The following IQCJ variants were observed in gnomAD, a reference collection of about 807,000 sequenced individuals.
IQCJ encodes IQ motif containing J.
IQCJ carries 9 observed loss-of-function variants against 11.0 expected under a neutral mutation model. The observed-to-expected ratio is 0.82, with a 90% confidence interval of 0.49 to 1.43. IQCJ has a LOEUF of 1.43. Ranked by LOEUF, IQCJ falls within the 40% of genes most tolerant of loss-of-function variation. The pLI is 0.00. For synonymous variants in IQCJ, 55 were observed against 51.3 expected (o/e 1.07, Z -0.31); for missense variants, 146 against 133.2 (o/e 1.10, Z -0.47).
chr3:159,245,092 T>C (rs73031428), intron 1 of IQCJ, among the ~76,000 whole-genome samples: 2,425 of 152,162 alleles, frequency 0.016, 78 homozygotes, highest in African/African-American at 0.056. Context: ...AGACTACAAA[T>C]GCCTGGAATT....
intron 1 of IQCJ, among the ~76,000 whole-genome samples, chr3:159,144,661 G>GACACACACACAC (rs10561081): frequency 1.6e-4 from 24 of 150,336 alleles, no homozygotes; most frequent in African/African-American, 5.4e-4. Context: ...TACACACACA[G>GACACACACACAC]ACACACACAC....
chr3:159,134,683 A>C (rs1038944514), intron 1 of IQCJ, among the ~76,000 whole-genome samples: 9 of 152,166 alleles, frequency 5.9e-5, no homozygotes, highest in African/African-American at 1.9e-4. Flanking sequence ...TGACATAACC[A>C]AACTTATCTT....
chr3:159,170,248 T>C (rs1722415468), intron 1 of IQCJ, among the ~76,000 whole-genome samples: 1 of 152,062 alleles, frequency 6.6e-6, no homozygotes, highest in South Asian at 2.1e-4. Flanking sequence ...TTCAGTGTCA[T>C]AGACAAACGT....
intron 1 of IQCJ, among the ~76,000 whole-genome samples, chr3:159,227,791 A>C (rs891230850): frequency 6.6e-6 from 1 of 152,244 alleles, no homozygotes; most frequent in East Asian, 1.9e-4. Flanking sequence ...TTTTCGGAAG[A>C]GCCTTTCCAA....
At chr3:159,104,190 CCTT>C (rs1346958662) in intron 1 of IQCJ, among the ~76,000 whole-genome samples, 2 of 152,240 alleles carry the variant, frequency 1.3e-5, no homozygotes, top group African/African-American at 2.4e-5. Context: ...CAGTCTCTGG[CCTT>C]CTCCCACTTC....
At chr3:159,120,492 C>T (rs1719303328) in intron 1 of IQCJ, among the ~76,000 whole-genome samples, 1 of 152,210 alleles carries the variant, frequency 6.6e-6, no homozygotes, top group Middle Eastern at 3.2e-3. Context: ...TAACTTCCTT[C>T]TCTTTTCCAT....
chr3:159,215,497 A>G (rs1056048037), intron 1 of IQCJ, among the ~76,000 whole-genome samples: 2 of 152,200 alleles, frequency 1.3e-5, no homozygotes, highest in Admixed American at 1.3e-4. Context: ...ACTCTTATAC[A>G]GATTTAAAAA....
intron 1 of IQCJ, among the ~76,000 whole-genome samples, chr3:159,157,627 G>A (rs896864758): frequency 1.3e-5 from 2 of 152,164 alleles, no homozygotes; most frequent in African/African-American, 4.8e-5. Context: ...ACAGATATAG[G>A]AATGTGTGAA....
intron 1 of IQCJ, among the ~76,000 whole-genome samples, chr3:159,159,363 AG>A (rs1721707696): frequency 6.6e-6 from 1 of 152,168 alleles, no homozygotes; most frequent in Non-Finnish European, 1.5e-5. Context: ...GTGTGTTTGT[AG>A]GAGGGTAATT....
chr3:159,094,211 C>A (rs1464712376), intron 1 of IQCJ, among the ~76,000 whole-genome samples: 3 of 151,550 alleles, frequency 2.0e-5, no homozygotes, highest in African/African-American at 7.3e-5. Context: ...ACGACAGCCA[C>A]TGGGGACAAA....
chr3:159,220,405 G>A (rs1431050382), intron 1 of IQCJ, among the ~76,000 whole-genome samples: 1 of 152,122 alleles, frequency 6.6e-6, no homozygotes, highest in African/African-American at 2.4e-5. Context: ...AGAGGAGGAA[G>A]CACCAGGGAA....
intron 1 of IQCJ, among the ~76,000 whole-genome samples, chr3:159,094,930 G>A (rs903018702): frequency 1.3e-5 from 2 of 151,772 alleles, no homozygotes; most frequent in Non-Finnish European, 1.5e-5. Context: ...TCCACATCAG[G>A]TAGTAATAAC....
chr3:159,131,193 A>C (rs953681821), intron 1 of IQCJ, among the ~76,000 whole-genome samples: 1 of 152,168 alleles, frequency 6.6e-6, no homozygotes, highest in Admixed American at 6.5e-5. Context: ...ACTCGGAGCA[A>C]GTAATTCAAC....
At chr3:159,089,825 A>T (rs1181356047) in intron 1 of IQCJ, among the ~76,000 whole-genome samples, 3 of 151,168 alleles carry the variant, frequency 2.0e-5, no homozygotes, top group Non-Finnish European at 4.4e-5. Flanking sequence ...ATTCTTCTAA[A>T]TTTTTTTCAA....
At chr3:159,209,248 C>G (rs1724817431) in intron 1 of IQCJ, among the ~76,000 whole-genome samples, 1 of 152,134 alleles carries the variant, frequency 6.6e-6, no homozygotes. Context: ...GCATCAGAGA[C>G]TACAGTAGAT....
Position 159,262,713 on chromosome 3 carries a change from T to C in IQCJ, c.321T>C (p.Pro107=). 3 of 1,613,612 alleles carry C rather than the reference T, an allele frequency of 1.9e-6. No individual in the cohort carries two copies. The highest frequency in any genetic ancestry group is 2.5e-6 in the Non-Finnish European group (3 of 1,179,614). Residue 107 remains proline (P), a synonymous_variant, in exon 4 of 4, where the codon CCT becomes CCC. Transcript: ENST00000397832. ...PVSVMFLFLC[P]DLTFN is the part of the protein sequence containing the mutation. The stretch of plus-strand genomic sequence containing the variant: ...GTGTCATGTTTCTTTTTCTATGTCC[T>C]GACTTGACATTCAACTGAAAGCCTA...
intron 1 of IQCJ, among the ~76,000 whole-genome samples, chr3:159,211,036 C>T (rs1724925218): frequency 1.3e-5 from 2 of 152,022 alleles, no homozygotes; most frequent in Non-Finnish European, 2.9e-5. Flanking sequence ...TAGGTAAGTG[C>T]AAGTTTAACT....
chr3:159,113,942 C>A (rs1718791536), intron 1 of IQCJ, among the ~76,000 whole-genome samples: 1 of 152,176 alleles, frequency 6.6e-6, no homozygotes, highest in South Asian at 2.1e-4. Flanking sequence ...GAACATCAGA[C>A]AATAGAAAGT....
chr3:159,146,466 G>T (rs1720933390), intron 1 of IQCJ, among the ~76,000 whole-genome samples: 1 of 152,088 alleles, frequency 6.6e-6, no homozygotes, highest in African/African-American at 2.4e-5. Flanking sequence ...AAGGAGAGGG[G>T]TATTCCATTC....
Sources: allele counts gnomAD v4.1 joint callset (sites outside exome capture counted in the v4.1 genomes callset), GRCh38; gene constraint gnomAD v4.1.1; transcripts MANE v1.5; gene names NCBI Gene and HGNC (gene_info 2026-07-23, HGNC 2026-07-21).